Variants in TTBK2 observed in about 807,000 individuals in gnomAD.
TTBK2 encodes tau tubulin kinase 2, also known as tau-tubulin kinase 2.
Under a neutral mutation model 110.8 loss-of-function variants are expected in TTBK2, and 28 were observed. The ratio of observed to expected loss-of-function variants is 0.25; its 90% CI spans 0.19 to 0.35. The LOEUF is 0.35. Ranked by LOEUF, TTBK2 falls within the 10% of genes least tolerant of loss-of-function variation. The probability of loss-of-function intolerance (pLI) is 1.00; values close to 1 mark genes in which losing one functional copy is unlikely to be tolerated. For missense variants in TTBK2, 1,369 were observed against 1,500.3 expected (o/e 0.91, Z 1.45); for synonymous variants, 532 against 527.3 (o/e 1.01, Z -0.12).
chr15:42,906,052 G>A (rs113219575), intron 1 of TTBK2, among the ~76,000 whole-genome samples: 28 of 152,154 alleles, frequency 1.8e-4, no homozygotes, highest in Non-Finnish European at 3.4e-4. Context: ...GCTGGGCGTG[G>A]TAGTGCATGC....
At chr15:42,858,048 G>C (rs1439396076) in intron 3 of TTBK2, among the ~76,000 whole-genome samples, 1 of 151,624 alleles carries the variant, frequency 6.6e-6, no homozygotes, top group Non-Finnish European at 1.5e-5. Context: ...ACAGTCCAGC[G>C]ACAGAGCAAG....
intron 3 of TTBK2, chr15:42,857,368 A>G (rs1265958620): frequency 1.3e-5 from 2 of 152,046 alleles, no homozygotes; most frequent in South Asian, 2.1e-4. Context: ...TTTTTTTAAA[A>G]AATTAGTTGT....
intron 6 of TTBK2, among the ~76,000 whole-genome samples, chr15:42,824,198 C>G (rs1187833014): frequency 6.6e-6 from 1 of 152,152 alleles, no homozygotes; most frequent in African/African-American, 2.4e-5. Flanking sequence ...GGCCTCACTT[C>G]CAGCACTGGA....
intron 13 of TTBK2, among the ~76,000 whole-genome samples, chr15:42,770,175 A>G (rs946326913): frequency 1.3e-5 from 2 of 152,106 alleles, no homozygotes; most frequent in Non-Finnish European, 2.9e-5. Flanking sequence ...CAGCACACCA[A>G]CATGGCACAT....
chr15:42,872,500 C>A (rs1327583648), intron 3 of TTBK2, 111 bp downstream of exon 3: 1 of 1,288,572 alleles, frequency 7.8e-7, no homozygotes, highest in South Asian at 1.3e-5. Context: ...ACCCGGCTGA[C>A]ACCAGTACAT....
intron 13 of TTBK2, among the ~76,000 whole-genome samples, chr15:42,762,645 A>T (rs777477524): frequency 1.3e-5 from 2 of 152,112 alleles, no homozygotes; most frequent in African/African-American, 2.4e-5. Flanking sequence ...TGAACCCGGG[A>T]GGTGGTGGCT....
chr15:42,779,600 G>A (rs1890093965), intron 11 of TTBK2, among the ~76,000 whole-genome samples: 1 of 152,194 alleles, frequency 6.6e-6, no homozygotes, highest in Non-Finnish European at 1.5e-5. Context: ...AGAAAGATGA[G>A]CCAAGGACTT....
In TTBK2 at chr15:42,800,816, G is replaced by A. The variant is rs564368083; in HGVS notation, c.823-6015C>T. Reference sequence around the variant, plus strand: ...CATAGCTGGAGGCATGGGCAAGGGGGGGTCCCCAGGTAGTAAACTCCCTCG... The same window carrying A: ...CATAGCTGGAGGCATGGGCAAGGGGAGGTCCCCAGGTAGTAAACTCCCTCG... On this transcript the variant is annotated intron_variant, in intron 9 of 14. Coordinates refer to ENST00000267890, the MANE Select transcript of TTBK2 (RefSeq NM_173500.4). The A allele has an allele frequency of 1.3e-5, 7 of 555,304 alleles. No individual in the cohort carries two copies. The East Asian group carries it at 2.1e-4, about 17-fold the overall frequency. 34.4% of individuals were successfully genotyped at this position (555,304 alleles called of 1,614,324 possible). A position where few individuals can be genotyped will look rare whatever the true frequency, so the allele number is the denominator to read the frequency against.
chr15:42,828,554 A>AC (rs1892623399), intron 5 of TTBK2, among the ~76,000 whole-genome samples: 1 of 151,138 alleles, frequency 6.6e-6, no homozygotes, highest in Non-Finnish European at 1.5e-5. Context: ...TTTCTACTAA[A>AC]AAAAAAAAAA....
Position 42,775,846 on chromosome 15 carries a change from A to G in TTBK2, c.1410-123T>C, listed in dbSNP as rs377088990. 6.6e-5 allele frequency: 50 copies of G among 759,260 alleles called. No individual in the cohort carries two copies. The East Asian group carries it at 1.1e-3, about 16-fold the overall frequency. 47.0% of individuals were successfully genotyped at this position (759,260 alleles called of 1,614,324 possible). On this transcript the variant is annotated intron_variant, in intron 12 of 14. Transcript: ENST00000267890. Reference sequence around the variant, plus strand: ...GAGAAAAAAAGATGGATAAAGCACAAGGAAAGTTTCACAGCATTGATAATG... The same window carrying G: ...GAGAAAAAAAGATGGATAAAGCACAGGGAAAGTTTCACAGCATTGATAATG...
At chr15:42,804,130 TATC>T (rs138826791) in intron 9 of TTBK2, among the ~76,000 whole-genome samples, 1,940 of 152,034 alleles carry the variant, frequency 0.013, 37 homozygotes, top group African/African-American at 0.044. Context: ...TATAAATTAT[TATC>T]ATAATTACCT....
At chr15:42,832,804 A>C (rs1892817492) in intron 4 of TTBK2, among the ~76,000 whole-genome samples, 1 of 152,154 alleles carries the variant, frequency 6.6e-6, no homozygotes. Flanking sequence ...TTAATCACTT[A>C]GTGGCCCAAT....
chr15:42,840,838 G>C (rs1213803672), intron 3 of TTBK2, among the ~76,000 whole-genome samples: 4 of 152,190 alleles, frequency 2.6e-5, no homozygotes, highest in African/African-American at 7.2e-5. Flanking sequence ...GGTACTCATT[G>C]TTATGACTTC....
intron 9 of TTBK2, among the ~76,000 whole-genome samples, chr15:42,807,296 C>T (rs1389377162): frequency 2.0e-5 from 3 of 152,058 alleles, no homozygotes; most frequent in African/African-American, 4.8e-5. Flanking sequence ...GGCTCACCAA[C>T]GGTGTGTATA....
chr15:42,872,463 C>T, intron 3 of TTBK2, 148 bp downstream of exon 3: 1 of 897,408 alleles, frequency 1.1e-6, no homozygotes, highest in Non-Finnish European at 1.7e-6. Context: ...ATAAAATTTC[C>T]AAGAGAAAAA....
chr15:42,864,458 C>A (rs1894283505), intron 3 of TTBK2, among the ~76,000 whole-genome samples: 4 of 152,030 alleles, frequency 2.6e-5, no homozygotes, highest in Admixed American at 2.6e-4. Flanking sequence ...GTGGCACATG[C>A]CTGTAATCGC....
intron 7 of TTBK2, among the ~76,000 whole-genome samples, chr15:42,816,427 T>C (rs1390849832): frequency 1.3e-5 from 2 of 151,924 alleles, no homozygotes; most frequent in African/African-American, 4.8e-5. Context: ...GACACAGATT[T>C]CCCAAAGACA....
At chr15:42,899,304 T>C (rs1895790212) in intron 1 of TTBK2, among the ~76,000 whole-genome samples, 1 of 151,614 alleles carries the variant, frequency 6.6e-6, no homozygotes, top group African/African-American at 2.4e-5. Context: ...GGCCAATTTA[T>C]AAAACATTTA....
chr15:42,768,284 A>G (rs530258579), intron 13 of TTBK2, among the ~76,000 whole-genome samples: 2 of 152,344 alleles, frequency 1.3e-5, no homozygotes, highest in African/African-American at 4.8e-5. Context: ...AAGAGAAAGA[A>G]ATAAAGGGTA....
Sources: gnomAD v4.1 joint callset for allele counts (sites outside exome capture counted in the v4.1 genomes callset) on GRCh38, gnomAD v4.1.1 for gene constraint, MANE v1.5 for transcripts, NCBI Gene and HGNC (gene_info 2026-07-23, HGNC 2026-07-21) for gene names.